The following RBFOX1 variants were observed in gnomAD, a reference collection of about 807,000 sequenced individuals.
RBFOX1 encodes RNA binding protein fox-1 homolog 1.
A neutral mutation model predicts 57.7 loss-of-function variants in RBFOX1; 8 were observed. The ratio of observed to expected loss-of-function variants is 0.14; its 90% confidence interval spans 0.08 to 0.25. The LOEUF (loss-of-function observed/expected upper bound fraction) is 0.25. RBFOX1 is among the 10% of genes least tolerant of loss of function. The pLI is 1.00. For synonymous variants in RBFOX1, 326 were observed against 222.4 expected (o/e 1.47, Z -4.15); for missense variants, 611 against 548.5 (o/e 1.11, Z -1.14).
chr16:6,666,608 C>G (rs9934127), intron 3 of RBFOX1, among the ~76,000 whole-genome samples: 13,289 of 150,810 alleles, frequency 0.088, 675 homozygotes, highest in East Asian at 0.18. Flanking sequence ...AGGTGGGATT[C>G]AAACCCAGGA....
intron 1 of RBFOX1, among the ~76,000 whole-genome samples, chr16:6,195,568 A>G (rs1231956250): frequency 6.6e-6 from 1 of 151,978 alleles, no homozygotes; most frequent in African/African-American, 2.4e-5. Context: ...AAATACAAAA[A>G]ATTAGCCAGG....
chr16:5,458,627 C>T (rs1321094727), intron 1 of RBFOX1, among the ~76,000 whole-genome samples: 1 of 152,214 alleles, frequency 6.6e-6, no homozygotes, highest in Non-Finnish European at 1.5e-5. Context: ...TAACTATGAC[C>T]CTCTACTGCT....
intron 3 of RBFOX1, among the ~76,000 whole-genome samples, chr16:5,632,030 A>G (rs529990303): frequency 2.6e-5 from 4 of 152,148 alleles, no homozygotes; most frequent in African/African-American, 7.2e-5. Flanking sequence ...TGGATGTCTG[A>G]GCTTTCTTTT....
intron 5 of RBFOX1, among the ~76,000 whole-genome samples, chr16:7,574,804 A>T (rs2093164198): frequency 6.6e-6 from 1 of 151,846 alleles, no homozygotes; most frequent in South Asian, 2.1e-4. Context: ...AACCGTCACA[A>T]CTCCTATTGA....
chr16:5,581,055 C>T (rs1044990183), intron 2 of RBFOX1, among the ~76,000 whole-genome samples: 1 of 152,176 alleles, frequency 6.6e-6, no homozygotes, highest in African/African-American at 2.4e-5. Flanking sequence ...AACCGGAAAG[C>T]GTTGTCTGTC....
chr16:7,419,939 TTTTTTA>T (rs1385604879), intron 4 of RBFOX1, among the ~76,000 whole-genome samples: 2 of 111,034 alleles, frequency 1.8e-5, no homozygotes, highest in East Asian at 3.2e-4. Context: ...TTTTTTTTTT[TTTTTTA>T]ATTGTTTTGG....
At chr16:6,694,289 C>A (rs1048459783) in intron 3 of RBFOX1, among the ~76,000 whole-genome samples, 2 of 152,170 alleles carry the variant, frequency 1.3e-5, no homozygotes, top group African/African-American at 4.8e-5. Flanking sequence ...GTCAATTTTT[C>A]TGTCTTATTT....
chr16:7,653,798 C>A lies in RBFOX1; in HGVS notation c.758-17C>A. 3 of 1,607,818 alleles carry A rather than the reference C, an allele frequency of 1.9e-6. No homozygotes were observed. The highest frequency in any genetic ancestry group is 1.7e-6 in the Non-Finnish European group (2 of 1,179,494). ...GACAGCCTGTGCTCTCTCTCTCTCT[C>A]TCCTCTTGCCCCGCAGTGCCAGGCT... On this transcript the variant is annotated splice_polypyrimidine_tract_variant and intron_variant, in intron 11 of 15. Coordinates refer to ENST00000550418, the MANE Select transcript of RBFOX1 (RefSeq NM_018723.4).
intron 4 of RBFOX1, among the ~76,000 whole-genome samples, chr16:7,376,783 T>A (rs1596851495): frequency 6.6e-6 from 1 of 152,302 alleles, no homozygotes; most frequent in East Asian, 1.9e-4. Flanking sequence ...GAAACTGAGT[T>A]CATCTTGGCT....
At chr16:5,921,065 A>G (rs2058810890) in intron 4 of RBFOX1, among the ~76,000 whole-genome samples, 1 of 152,156 alleles carries the variant, frequency 6.6e-6, no homozygotes, top group Admixed American at 6.5e-5. Flanking sequence ...TGGGAATCTA[A>G]CTTAGCCCTT....
chr16:5,308,646 A>G (rs1294680312), intron 1 of RBFOX1, among the ~76,000 whole-genome samples: 1 of 152,056 alleles, frequency 6.6e-6, no homozygotes, highest in African/African-American at 2.4e-5. Context: ...CTATGTAAAT[A>G]TTATTCTTTT....
At chr16:7,682,790 T>C (rs1472324211) in intron 14 of RBFOX1, among the ~76,000 whole-genome samples, 2 of 150,808 alleles carry the variant, frequency 1.3e-5, no homozygotes, top group Non-Finnish European at 3.0e-5. Flanking sequence ...ACACACACTT[T>C]TTCTTGTTCA....
intron 4 of RBFOX1, among the ~76,000 whole-genome samples, chr16:7,153,250 A>C (rs1326878826): frequency 6.6e-6 from 1 of 152,106 alleles, no homozygotes; most frequent in Non-Finnish European, 1.5e-5. Flanking sequence ...GTCTCTATCA[A>C]ATGCATACCT....
chr16:7,598,212 A>G (rs1328152133), intron 9 of RBFOX1, among the ~76,000 whole-genome samples: 1 of 152,210 alleles, frequency 6.6e-6, no homozygotes, highest in Admixed American at 6.5e-5. Context: ...GCAGTAAGTT[A>G]AAGTATATAC....
intron 4 of RBFOX1, among the ~76,000 whole-genome samples, chr16:7,256,846 T>G (rs1290099732): frequency 6.6e-6 from 1 of 152,164 alleles, no homozygotes; most frequent in Non-Finnish European, 1.5e-5. Context: ...CCTTTGTGGA[T>G]ACCTGTCACT....
At chr16:7,578,895 G>C (rs193098016) in intron 5 of RBFOX1, among the ~76,000 whole-genome samples, 4 of 152,312 alleles carry the variant, frequency 2.6e-5, no homozygotes, top group Admixed American at 2.6e-4. Flanking sequence ...TGCCAAATAT[G>C]TGGGTGTCAA....
At chr16:6,879,517 C>G (rs2062492920) in intron 3 of RBFOX1, among the ~76,000 whole-genome samples, 2 of 152,114 alleles carry the variant, frequency 1.3e-5, no homozygotes, top group Admixed American at 6.5e-5. Context: ...AACTTACTTG[C>G]TACAAAGTTA....
chr16:6,047,461 C>T (rs1596669053), intron 1 of RBFOX1, among the ~76,000 whole-genome samples: 1 of 152,144 alleles, frequency 6.6e-6, no homozygotes, highest in Admixed American at 6.5e-5. Context: ...GGAAAGAGGC[C>T]AGATGCTATG....
chr16:6,814,288 C>G (rs2089537383), intron 3 of RBFOX1, among the ~76,000 whole-genome samples: 1 of 151,944 alleles, frequency 6.6e-6, no homozygotes, highest in East Asian at 1.9e-4. Flanking sequence ...TCAGAAATGT[C>G]CTTTTCTGAT....
Sources: allele counts gnomAD v4.1 joint callset (sites outside exome capture counted in the v4.1 genomes callset), GRCh38; gene constraint gnomAD v4.1.1; transcripts MANE v1.5; gene names NCBI Gene and HGNC (gene_info 2026-07-23, HGNC 2026-07-21).